The following RUNX3 variants were observed in gnomAD, a reference collection of about 807,000 sequenced individuals.
RUNX3 encodes the protein runt-related transcription factor 3.
A neutral mutation model predicts 27.7 loss-of-function variants in RUNX3; 10 were observed. That is an observed-to-expected ratio of 0.36 (90% CI 0.22 to 0.61). The LOEUF (loss-of-function observed/expected upper bound fraction) is 0.61. Among genes scored for constraint, RUNX3 ranks in the 20% least tolerant of loss-of-function variants. RUNX3 has a pLI of 0.72. For missense variants in RUNX3, 469 were observed against 629.5 expected, an observed-to-expected ratio of 0.75 and a Z score of 2.73; for synonymous variants, 270 against 269.2, an observed-to-expected ratio of 1.00 and a Z score of -0.03.
chr1:24,908,183 C>CGACACGCGGTGATCCGAACCTCTAT lies in RUNX3; in HGVS notation c.545-767_545-766insATAGAGGTTCGGATCACCGCGTGTC, dbSNP rs1557837321. 5.4e-4 allele frequency among the ~76,000 whole-genome samples: 45 copies of CGACACGCGGTGATCCGAACCTCTAT among 83,260 alleles called. 8 individuals carry two copies. The highest frequency in any genetic ancestry group is 1.8e-3 in the African/African-American group (26 of 14,748). The allele number at this position is 83,260 out of a possible 152,430, so 54.6% of individuals were successfully genotyped here. On this transcript the variant is annotated intron_variant, in intron 3 of 4. Transcript: ENST00000308873. ...CGACACGCGGTGATCCGAAGCTCTA[C>CGACACGCGGTGATCCGAACCTCTAT]GACACGCGGTGATCCGAACCTCTAC...
upstream of RUNX3, among the ~76,000 whole-genome samples, chr1:24,934,534 AG>A (rs1283569426): frequency 1.3e-5 from 2 of 152,180 alleles, no homozygotes; most frequent in African/African-American, 4.8e-5. Context: ...TAAAATGGGA[AG>A]AACAGTAACA....
chr1:24,948,881 C>T (rs142024044), intron 2 of RUNX3, among the ~76,000 whole-genome samples: 2 of 151,990 alleles, frequency 1.3e-5, no homozygotes, highest in East Asian at 1.9e-4. Context: ...TGCCTGACCT[C>T]CTCTTATGAT....
Position 24,902,426 on chromosome 1 carries a change from GC to G in RUNX3, c.943del (p.Ala315ProfsTer63). On this transcript the variant is annotated frameshift_variant, in exon 5 of 5. Transcript: ENST00000308873. LOFTEE classifies it high-confidence loss of function. This position sits in a 1 kb window ranked among gnomAD's most constrained non-coding sequence, Gnocchi z 9.2. ...HTYLPPPYPG[A>X]PQNQSGPFQA... ...GAAGGGCCCGCTCTGGTTCTGCGGG[GC>G]CCCCGGGTAGGGTGGCGGGAGGTAG... is the stretch of plus-strand genomic sequence containing the variant. 1 of 1,611,260 alleles carries G rather than the reference GC, an allele frequency of 6.2e-7. No homozygotes were observed.
intron 2 of RUNX3, among the ~76,000 whole-genome samples, chr1:24,949,708 C>G (rs955605465): frequency 1.3e-5 from 2 of 152,268 alleles, no homozygotes; most frequent in African/African-American, 4.8e-5. Flanking sequence ...CCCAGCCTAT[C>G]ATCCACGCGG....
Position 24,929,911 on chromosome 1 carries a change from C to A in RUNX3, c.-43G>T. 8.0e-7 allele frequency: 1 copy of A among 1,242,702 alleles called. No homozygotes were observed. The highest frequency in any genetic ancestry group is 1.0e-6 in the Non-Finnish European group (1 of 995,564). 77.0% of individuals were successfully genotyped at this position (1,242,702 alleles called of 1,614,324 possible). On this transcript the variant is annotated 5_prime_UTR_variant, in exon 1 of 5. Coordinates refer to ENST00000308873, the MANE Select transcript of RUNX3 (RefSeq NM_004350.3). ...CGCCGGGCAGGCGGAGACGGCGCGGCTTCCCCCGGGGGCGGCCGGCGCGGG... is the reference window on the plus strand; with the variant it reads ...CGCCGGGCAGGCGGAGACGGCGCGGATTCCCCCGGGGGCGGCCGGCGCGGG...
At chr1:24,959,339 T>C (rs1642038809) in intron 2 of RUNX3, among the ~76,000 whole-genome samples, 1 of 152,098 alleles carries the variant, frequency 6.6e-6, no homozygotes, top group Non-Finnish European at 1.5e-5. Context: ...TAGGAATGCT[T>C]TTCCAGCCTG....
intron 2 of RUNX3, among the ~76,000 whole-genome samples, chr1:24,950,955 C>T (rs1641745514): frequency 6.6e-6 from 1 of 152,220 alleles, no homozygotes; most frequent in Admixed American, 6.5e-5. Flanking sequence ...CGCCTGTAAT[C>T]CTAGCACCTT....
In RUNX3 at chr1:24,929,570, C is replaced by G. The variant is rs1365187537; in HGVS notation, c.282+17G>C. Reference sequence around the variant, plus strand: ...GCCCCAGGGCCGGCGCCCTCCCGCCCCGGGTCCCGCACTCACCTTGAAGGC... The same window carrying G: ...GCCCCAGGGCCGGCGCCCTCCCGCCGCGGGTCCCGCACTCACCTTGAAGGC... On this transcript the variant is annotated intron_variant, in intron 1 of 4. Transcript: ENST00000308873. 6.3e-7 allele frequency: 1 copy of G among 1,595,940 alleles called. No individual in the cohort carries two copies. The highest frequency in any genetic ancestry group is 8.5e-7 in the Non-Finnish European group (1 of 1,174,688).
chr1:24,945,748 T>G (rs1382030149), intron 2 of RUNX3, among the ~76,000 whole-genome samples: 2 of 152,172 alleles, frequency 1.3e-5, no homozygotes, highest in Non-Finnish European at 2.9e-5. Flanking sequence ...CCCGGTTCCT[T>G]TTCAGGGTAT....
intron 1 of RUNX3, 125 bp downstream of exon 1, chr1:24,929,462 G>C (rs896314322): frequency 4.5e-5 from 44 of 970,722 alleles, no homozygotes; most frequent in Admixed American, 4.0e-4. Context: ...TGAACCGGGT[G>C]CCCGGGTGTC....
At chr1:24,922,383 C>G (rs2124290676) in intron 2 of RUNX3, among the ~76,000 whole-genome samples, 1 of 152,154 alleles carries the variant, frequency 6.6e-6, no homozygotes, top group Admixed American at 6.6e-5. Context: ...GAAAAAATTA[C>G]AATTGTATTG....
intron 2 of RUNX3, among the ~76,000 whole-genome samples, chr1:24,944,813 C>G (rs1306118079): frequency 6.6e-6 from 1 of 152,176 alleles, no homozygotes; most frequent in Non-Finnish European, 1.5e-5. Flanking sequence ...CCACCAGAGC[C>G]TCCAGCAAGG....
chr1:24,954,940 A>G (rs1021706929), intron 2 of RUNX3, among the ~76,000 whole-genome samples: 1 of 152,114 alleles, frequency 6.6e-6, no homozygotes, highest in Non-Finnish European at 1.5e-5. Flanking sequence ...TCAGTCCTGG[A>G]GCCCTGTGTC....
chr1:24,928,428 C>G (rs1356556719), intron 1 of RUNX3, among the ~76,000 whole-genome samples: 1 of 152,122 alleles, frequency 6.6e-6, no homozygotes, highest in Non-Finnish European at 1.5e-5. Flanking sequence ...AAATCCCCCA[C>G]CCCCAGGAGC....
At chr1:24,903,892 A>C (rs1031984575) in intron 4 of RUNX3, among the ~76,000 whole-genome samples, 2 of 152,230 alleles carry the variant, frequency 1.3e-5, no homozygotes, top group Non-Finnish European at 2.9e-5. Context: ...ATAAAACATG[A>C]GACGATAACA....
At chr1:24,950,364 G>T (rs1421763111) in intron 2 of RUNX3, among the ~76,000 whole-genome samples, 1 of 152,172 alleles carries the variant, frequency 6.6e-6, no homozygotes, top group African/African-American at 2.4e-5. Flanking sequence ...TCAGTGGAGG[G>T]CGGCAGTGCA....
chr1:24,926,940 C>T (rs1165965569), intron 2 of RUNX3, among the ~76,000 whole-genome samples: 1 of 151,814 alleles, frequency 6.6e-6, no homozygotes, highest in African/African-American at 2.4e-5. Context: ...ACCCCCGTCC[C>T]GCCTTCCTTC....
rs1398282463 is a variant in RUNX3 at position 24,899,718 on chromosome 1, T to C, written c.*2404A>G. The C allele has an allele frequency of 2.6e-5, 4 of 152,666 alleles. No homozygotes were observed. The highest frequency in any genetic ancestry group is 2.6e-4 in the Admixed American group (4 of 15,274). The allele number at this position is 152,666 out of a possible 1,614,324, so 9.5% of individuals were successfully genotyped here. On this transcript the variant is annotated 3_prime_UTR_variant, in exon 5 of 5. Coordinates refer to ENST00000308873, the MANE Select transcript of RUNX3 (RefSeq NM_004350.3). ...TTTTACATCAGATGAGTGCAGCAGG[T>C]GTCACACCTCAGCATGACAATATGT...
chr1:24,947,790 C>A (rs1176532106), intron 2 of RUNX3, among the ~76,000 whole-genome samples: 1 of 152,242 alleles, frequency 6.6e-6, no homozygotes, highest in Non-Finnish European at 1.5e-5. Context: ...CCCCGCAGAT[C>A]ACAGCCGGAG....
Sources: gnomAD v4.1 joint callset for allele counts (sites outside exome capture counted in the v4.1 genomes callset) on GRCh38, gnomAD v4.1.1 for gene constraint, Gnocchi (gnomAD v3.1) non-coding constraint, MANE v1.5 for transcripts, NCBI Gene and HGNC (gene_info 2026-07-23, HGNC 2026-07-21) for gene names.